Variants in GRIP1 observed in about 807,000 individuals in gnomAD.
GRIP1 encodes the protein glutamate receptor interacting protein 1, also known as glutamate receptor-interacting protein 1.
GRIP1 carries 45 observed loss-of-function variants against 129.9 expected under a neutral mutation model. That is an observed-to-expected ratio of 0.35 (90% CI 0.27 to 0.44). The LOEUF (loss-of-function observed/expected upper bound fraction) is 0.44, where lower values mean the gene tolerates loss of function less well. Among genes scored for constraint, GRIP1 ranks in the 20% least tolerant of loss-of-function variants. The pLI is 1.00. For synonymous variants in GRIP1, 530 were observed against 520.8 expected (o/e 1.02, Z -0.24); for missense variants, 1,196 against 1,396.8 (o/e 0.86, Z 2.29).
intron 1 of GRIP1, among the ~76,000 whole-genome samples, chr12:66,911,822 A>G (rs1466991738): frequency 6.6e-6 from 1 of 152,174 alleles, no homozygotes; most frequent in Non-Finnish European, 1.5e-5. Flanking sequence ...CTTATTAACA[A>G]TACTTAGTTC....
intron 1 of GRIP1, among the ~76,000 whole-genome samples, chr12:67,048,893 G>C (rs972310063): frequency 1.3e-5 from 2 of 152,162 alleles, no homozygotes; most frequent in African/African-American, 2.4e-5. Flanking sequence ...ACGTGGAACT[G>C]TAACTCCATT....
intron 1 of GRIP1, among the ~76,000 whole-genome samples, chr12:67,002,166 C>T (rs539433172): frequency 9.2e-5 from 14 of 152,256 alleles, no homozygotes; most frequent in East Asian, 3.9e-4. Context: ...GCAGTACTTT[C>T]GCTATTATTA....
At chr12:66,858,811 T>C (rs1013754656) in intron 1 of GRIP1, among the ~76,000 whole-genome samples, 2 of 151,660 alleles carry the variant, frequency 1.3e-5, no homozygotes, top group Non-Finnish European at 2.9e-5. Context: ...GAGGGGGATA[T>C]GAGGGAAATA....
chr12:66,409,797 G>A lies in GRIP1; in HGVS notation c.1839-3369C>T, dbSNP rs140652337. 3.4e-3 allele frequency among the ~76,000 whole-genome samples: 521 copies of A among 152,248 alleles called. 10 individuals are homozygous for A. Among genetic ancestry groups the A allele is most frequent in the African/African-American group, 0.012 (500 of 41,552 alleles). ...GTAAACAATAAAGTTTTGAGTGTGT[G>A]ATAATACAGATCATAAATTCAGAAT... On this transcript the variant is annotated intron_variant, in intron 15 of 24. Transcript: ENST00000359742.
At chr12:66,392,854 T>A in intron 17 of GRIP1, 38 bp from the exon 18 acceptor site, 6 of 1,592,810 alleles carry the variant, frequency 3.8e-6, no homozygotes, top group Non-Finnish European at 5.2e-6. Context: ...GTAGAAATAA[T>A]CCCTGTATGG....
At chr12:66,832,422 T>C (rs981435195) in intron 1 of GRIP1, among the ~76,000 whole-genome samples, 4 of 152,188 alleles carry the variant, frequency 2.6e-5, no homozygotes, top group Non-Finnish European at 4.4e-5. Context: ...TCAGCTGACA[T>C]TCATCCTTCT....
intron 1 of GRIP1, among the ~76,000 whole-genome samples, chr12:66,781,322 T>A (rs2038151894): frequency 6.6e-6 from 1 of 152,168 alleles, no homozygotes; most frequent in Non-Finnish European, 1.5e-5. Flanking sequence ...GGGAAGTCTG[T>A]TTTTGTTTTT....
chr12:66,478,135 A>G (rs934685494), intron 7 of GRIP1, among the ~76,000 whole-genome samples: 24 of 152,236 alleles, frequency 1.6e-4, no homozygotes, highest in Non-Finnish European at 3.1e-4. Flanking sequence ...CCCATCTGAC[A>G]AAGGGCTAAT....
intron 1 of GRIP1, among the ~76,000 whole-genome samples, chr12:66,796,974 C>A (rs1010924254): frequency 2.0e-5 from 3 of 151,988 alleles, no homozygotes; most frequent in African/African-American, 4.8e-5. Context: ...ATCTATAAAC[C>A]TACTTGCTGA....
intron 1 of GRIP1, among the ~76,000 whole-genome samples, chr12:66,784,593 A>C (rs1044047644): frequency 6.6e-6 from 1 of 152,112 alleles, no homozygotes; most frequent in Non-Finnish European, 1.5e-5. Context: ...GTTAGCACCT[A>C]ATCTATTTGC....
At chr12:66,443,950 T>A (rs977164441) in intron 13 of GRIP1, among the ~76,000 whole-genome samples, 1 of 152,170 alleles carries the variant, frequency 6.6e-6, no homozygotes, top group African/African-American at 2.4e-5. Flanking sequence ...GTGTGAAGGG[T>A]CAAAGAGAGG....
chr12:66,590,722 G>C lies in GRIP1; in HGVS notation c.136+6125C>G, dbSNP rs148119457. Among the ~76,000 whole-genome samples the C allele has an allele frequency of 9.9e-3, 1,501 of 152,284 alleles. 33 individuals are homozygous for C. The highest frequency in any genetic ancestry group is 0.033 in the African/African-American group (1,379 of 41,548). ...TTCTGGGCAAACAGAAACAAATGAG[G>C]CTGGGGGGAACCTCTGGCTTTTCAA... is the stretch of plus-strand genomic sequence containing the variant. On this transcript the variant is annotated intron_variant, in intron 2 of 24. Transcript: ENST00000359742.
chr12:66,768,454 C>A (rs1400715149), intron 1 of GRIP1, among the ~76,000 whole-genome samples: 1 of 152,098 alleles, frequency 6.6e-6, no homozygotes. Context: ...GCAATAAAGA[C>A]TAGAATTGCC....
intron 1 of GRIP1, among the ~76,000 whole-genome samples, chr12:66,748,573 C>T (rs2037025943): frequency 6.6e-6 from 1 of 152,152 alleles, no homozygotes; most frequent in Non-Finnish European, 1.5e-5. Flanking sequence ...GTACTGAGAA[C>T]ACTGTATGTG....
At chr12:66,413,185 C>T (rs944170333) in intron 15 of GRIP1, among the ~76,000 whole-genome samples, 1 of 152,176 alleles carries the variant, frequency 6.6e-6, no homozygotes, top group African/African-American at 2.4e-5. Flanking sequence ...GACACTTACT[C>T]TAAAATTGAT....
intron 1 of GRIP1, among the ~76,000 whole-genome samples, chr12:66,689,722 TA>T (rs1271647567): frequency 1.3e-5 from 2 of 152,042 alleles, no homozygotes; most frequent in African/African-American, 2.4e-5. Flanking sequence ...AAGTAAACAA[TA>T]CAGTATTATT....
At chr12:66,857,662 C>T (rs966308997) in intron 1 of GRIP1, among the ~76,000 whole-genome samples, 19 of 151,826 alleles carry the variant, frequency 1.3e-4, no homozygotes, top group Non-Finnish European at 2.2e-4. Context: ...GCTCTAGGCA[C>T]TGAGGATATA....
chr12:66,400,605 C>T (rs921401564), intron 16 of GRIP1, among the ~76,000 whole-genome samples: 45 of 152,062 alleles, frequency 3.0e-4, no homozygotes, highest in African/African-American at 8.7e-4. Context: ...CAAGCTGCAG[C>T]CTGAAAATGG....
chr12:66,696,114 T>G (rs1434246724), intron 1 of GRIP1, among the ~76,000 whole-genome samples: 1 of 152,050 alleles, frequency 6.6e-6, no homozygotes, highest in African/African-American at 2.4e-5. Flanking sequence ...TTAGCAAAAT[T>G]ACTATTATCT....
Sources: gnomAD v4.1 joint callset for allele counts (sites outside exome capture counted in the v4.1 genomes callset) on GRCh38, gnomAD v4.1.1 for gene constraint, MANE v1.5 for transcripts, NCBI Gene and HGNC (gene_info 2026-07-23, HGNC 2026-07-21) for gene names.